LONP2: variants seen among roughly 807,000 people sequenced by gnomAD.
LONP2 encodes the protein lon protease homolog 2, peroxisomal.
In LONP2, 60 loss-of-function variants were observed where a neutral mutation model predicts 85.6. That is an observed-to-expected ratio of 0.70 (90% CI 0.57 to 0.87). The LOEUF is 0.87. LONP2 is among the 40% of genes least tolerant of loss of function. LONP2 has a pLI of 0.00. For missense variants in LONP2, 860 were observed against 1,063.5 expected (o/e 0.81, Z 2.66); for synonymous variants, 395 against 389.7 (o/e 1.01, Z -0.16).
chr16:48,270,428 G>C (rs1237438443), intron 7 of LONP2, among the ~76,000 whole-genome samples, 154 bp downstream of exon 7: 1 of 152,196 alleles, frequency 6.6e-6, no homozygotes, highest in Non-Finnish European at 1.5e-5. Context: ...GTATCAGCTA[G>C]CCTAGAGCCT....
At position 48,277,430 on chromosome 16, in the gene LONP2, A is replaced by T; in HGVS notation, c.1334A>T (p.Asp445Val). The change falls in exon 8 of 15, where the codon GAC becomes GTC. Residue 445 changes from aspartate (D) to valine (V), a missense_variant. By Grantham distance (152) the Asp-to-Val change is radical. Coordinates refer to ENST00000285737, the MANE Select transcript of LONP2 (RefSeq NM_031490.5). ...CCAGTGTTCCTATTAGATGAGGTTG[A>T]CAAACTGGGAAAAAGTCTACAGGGT... ...NNPVFLLDEV[D>V]KLGKSLQGDP... 1 of 1,613,954 alleles carries T rather than the reference A, an allele frequency of 6.2e-7. No individual in the cohort carries two copies. Among genetic ancestry groups the T allele is most frequent in the Non-Finnish European group, 8.5e-7 (1 of 1,179,898 alleles).
At chr16:48,361,114 C>CA (rs561149136), downstream of LONP2, 1 of 152,828 alleles carries the variant, frequency 6.5e-6, no homozygotes, top group East Asian at 1.9e-4. Flanking sequence ...CAAATACACA[C>CA]AAAAAAAGCA....
intron 3 of LONP2, among the ~76,000 whole-genome samples, chr16:48,258,203 C>T (rs369699445): frequency 4.6e-5 from 7 of 151,926 alleles, no homozygotes; most frequent in African/African-American, 1.2e-4. Context: ...AAAAATTAGC[C>T]GGGCATGGTG....
At chr16:48,253,068 T>C (rs1971687172) in intron 2 of LONP2, among the ~76,000 whole-genome samples, 1 of 152,224 alleles carries the variant, frequency 6.6e-6, no homozygotes, top group Non-Finnish European at 1.5e-5. Context: ...TAAATACTAC[T>C]GATCATTGAA....
intron 6 of LONP2, among the ~76,000 whole-genome samples, chr16:48,268,794 A>G (rs1288895021): frequency 1.3e-5 from 2 of 152,178 alleles, no homozygotes; most frequent in Non-Finnish European, 2.9e-5. Context: ...TAATTAAATT[A>G]TATAGTTTAC....
chr16:48,284,525 C>T lies in LONP2; in HGVS notation c.1383+7046C>T, dbSNP rs144594014. ...CCATTAATATTGAGACAAGACACTC[C>T]ACCAGCAAAATGACAACAACTAACA... On this transcript the variant is annotated intron_variant, in intron 8 of 14. Coordinates refer to ENST00000285737, the MANE Select transcript of LONP2 (RefSeq NM_031490.5). Among the ~76,000 whole-genome samples, 517 of 152,284 alleles carry T rather than the reference C, an allele frequency of 3.4e-3. 2 individuals are homozygous for T. The highest frequency in any genetic ancestry group is 0.012 in the African/African-American group (495 of 41,570).
At chr16:48,329,608 A>G (rs79977301) in intron 11 of LONP2, among the ~76,000 whole-genome samples, 12,536 of 152,208 alleles carry the variant, frequency 0.082, 556 homozygotes, top group Middle Eastern at 0.11. Context: ...TGGTATATAT[A>G]GGGTTCTGAA....
At position 48,351,598 on chromosome 16, in the gene LONP2, C is replaced by CA. The variant is rs1176805039; in HGVS notation, c.2358dup (p.Val787SerfsTer19). 6.2e-7 allele frequency: 1 copy of CA among 1,613,856 alleles called. No homozygotes were observed. Among genetic ancestry groups the CA allele is most frequent in the Admixed American group, 1.7e-5 (1 of 60,010 alleles). ...CCTTACAGGTGGGTGGAATTAAAGA[C>CA]AAAGTGCTGGCGGCACACAGAGCGG... On this transcript the variant is annotated frameshift_variant, in exon 15 of 15. Coordinates refer to ENST00000285737, the MANE Select transcript of LONP2 (RefSeq NM_031490.5). LOFTEE classifies it high-confidence loss of function.
intron 11 of LONP2, among the ~76,000 whole-genome samples, chr16:48,319,196 A>G (rs1973210949): frequency 6.6e-6 from 1 of 152,132 alleles, no homozygotes; most frequent in South Asian, 2.1e-4. Context: ...CCTGGCCAAC[A>G]CAGTGAAACC....
chr16:48,259,926 C>T (rs1402855869), intron 4 of LONP2, among the ~76,000 whole-genome samples: 1 of 152,154 alleles, frequency 6.6e-6, no homozygotes, highest in Non-Finnish European at 1.5e-5. Context: ...CAAAAGTGCT[C>T]CAGAAAATAA....
At position 48,303,280 on chromosome 16, in the gene LONP2, C is replaced by T. The variant is rs903598999; in HGVS notation, c.1770C>T (p.Asp590=). The T allele has an allele frequency of 1.2e-6, 2 of 1,613,908 alleles. No individual in the cohort carries two copies. The highest frequency in any genetic ancestry group is 2.7e-5 in the African/African-American group (2 of 74,876). The change falls in exon 11 of 15, where the codon GAC becomes GAT. Residue 590 remains aspartate (D), a synonymous_variant. Transcript: ENST00000285737. The part of the protein sequence containing the change: ...AEGQHKEAKL[D]RSDVTEREGC... ...GACAGCATAAGGAAGCCAAGTTGGACCGTTCTGATGTGACTGAGAGAGAAG... is the reference window on the plus strand; with the variant it reads ...GACAGCATAAGGAAGCCAAGTTGGATCGTTCTGATGTGACTGAGAGAGAAG...
At chr16:48,269,942 C>T (rs888566597) in intron 6 of LONP2, 74 bp from the exon 7 acceptor site, 17 of 1,479,026 alleles carry the variant, frequency 1.1e-5, no homozygotes, top group South Asian at 4.1e-5. Flanking sequence ...ATTTTGCCCT[C>T]GTCATGCTTG....
intron 11 of LONP2, among the ~76,000 whole-genome samples, chr16:48,311,293 T>C (rs1261326854): frequency 1.3e-5 from 2 of 152,112 alleles, no homozygotes; most frequent in African/African-American, 4.8e-5. Flanking sequence ...CTATGATTCA[T>C]AGGTTCCAAT....
intron 11 of LONP2, among the ~76,000 whole-genome samples, chr16:48,315,672 CA>C (rs1260262164): frequency 6.6e-6 from 1 of 152,142 alleles, no homozygotes; most frequent in African/African-American, 2.4e-5. Context: ...ACATTTAAAC[CA>C]TAGCACTGAC....
At chr16:48,324,309 C>G (rs1973326005) in intron 11 of LONP2, among the ~76,000 whole-genome samples, 1 of 152,196 alleles carries the variant, frequency 6.6e-6, no homozygotes, top group South Asian at 2.1e-4. Context: ...ATGTGTCTTT[C>G]TCTCCATGCT....
At position 48,362,629 on chromosome 16, in the gene LONP2, GGATAAGCTC is replaced by G; in HGVS notation, c.*767_*775del. 1 of 556,728 alleles carries G rather than the reference GGATAAGCTC, an allele frequency of 1.8e-6. No individual in the cohort carries two copies. The highest frequency in any genetic ancestry group is 2.3e-5 in the South Asian group (1 of 43,150). 34.5% of individuals were successfully genotyped at this position (556,728 alleles called of 1,614,324 possible). On this transcript the variant is annotated 3_prime_UTR_variant, in exon 5 of 5. Transcript: ENST00000565867. The surrounding 1 kb of genome is among the most constrained non-coding windows in gnomAD (Gnocchi z 4.2). ...TGCACTTTATTAGGATCTGTACACT[GGATAAGCTC>G]TCTTTTCAAAATGTTCCGGAAAACA...
chr16:48,357,950 G>C (rs1235446167), downstream of LONP2, among the ~76,000 whole-genome samples: 2 of 152,138 alleles, frequency 1.3e-5, no homozygotes, highest in Non-Finnish European at 2.9e-5. Context: ...AAAAGCAATA[G>C]AACAAAGTTA....
intron 10 of LONP2, among the ~76,000 whole-genome samples, chr16:48,302,602 C>G (rs1299700134): frequency 6.6e-6 from 1 of 152,224 alleles, no homozygotes; most frequent in Non-Finnish European, 1.5e-5. Context: ...TTCACAAAGT[C>G]CTCAAAGTCA....
intron 12 of LONP2, among the ~76,000 whole-genome samples, chr16:48,342,646 C>T (rs979246893): frequency 6.6e-6 from 1 of 152,222 alleles, no homozygotes; most frequent in Non-Finnish European, 1.5e-5. Flanking sequence ...GACCCCAACA[C>T]CTCTCCAAGG....
Sources: allele counts gnomAD v4.1 joint callset (sites outside exome capture counted in the v4.1 genomes callset), GRCh38; gene constraint gnomAD v4.1.1; non-coding constraint Gnocchi (gnomAD v3.1); transcripts MANE v1.5; gene names NCBI Gene and HGNC (gene_info 2026-07-23, HGNC 2026-07-21).